CCDC60: variants seen among roughly 807,000 people sequenced by gnomAD.
CCDC60 encodes the protein coiled-coil domain-containing protein 60.
A neutral mutation model predicts 63.5 loss-of-function variants in CCDC60; 54 were observed. That is an observed-to-expected ratio of 0.85 (90% CI 0.68 to 1.07). CCDC60 has a LOEUF of 1.07. CCDC60 is among the 50% of genes least tolerant of loss of function. CCDC60 has a pLI of 0.00. For synonymous variants in CCDC60, 206 were observed against 238.8 expected (o/e 0.86, Z 1.27); for missense variants, 651 against 684.3 (o/e 0.95, Z 0.54).
intron 6 of CCDC60, among the ~76,000 whole-genome samples, chr12:119,503,844 T>C (rs1438773676): frequency 6.6e-6 from 1 of 152,230 alleles, no homozygotes; most frequent in Non-Finnish European, 1.5e-5. Context: ...GTTGGTGTGG[T>C]CTTCAATGCT....
intron 5 of CCDC60, among the ~76,000 whole-genome samples, chr12:119,491,107 G>A (rs1951570962): frequency 6.6e-6 from 1 of 152,008 alleles, no homozygotes. Flanking sequence ...TCTGCATATT[G>A]TTCTCTACAT....
chr12:119,471,067 A>G (rs1439210004), intron 2 of CCDC60, among the ~76,000 whole-genome samples: 1 of 152,230 alleles, frequency 6.6e-6, no homozygotes, highest in Admixed American at 6.5e-5. Context: ...AGAAACATGT[A>G]GACACCTCTG....
At chr12:119,528,338 G>A (rs1952748914) in intron 11 of CCDC60, among the ~76,000 whole-genome samples, 1 of 151,990 alleles carries the variant, frequency 6.6e-6, no homozygotes, top group Non-Finnish European at 1.5e-5. Flanking sequence ...CCATCTTAGA[G>A]ACTGAAAAGC....
chr12:119,346,776 CTT>C (rs1365513361), intron 1 of CCDC60, among the ~76,000 whole-genome samples: 9 of 46,404 alleles, frequency 1.9e-4, no homozygotes, highest in Admixed American at 1.5e-3. Flanking sequence ...TCATCTTTCT[CTT>C]TCTTTCTTTC....
intron 1 of CCDC60, among the ~76,000 whole-genome samples, chr12:119,418,310 AC>A: frequency 6.6e-6 from 1 of 151,092 alleles, no homozygotes; most frequent in South Asian, 2.1e-4. Context: ...CTTCATAGTC[AC>A]AATACAGTTA....
At chr12:119,528,863 T>C (rs1261181164) in intron 12 of CCDC60, 117 bp downstream of exon 12, 5 of 1,067,148 alleles carry the variant, frequency 4.7e-6, no homozygotes, top group Non-Finnish European at 6.6e-6. Flanking sequence ...ACTCCAAAAC[T>C]GTCATTGGCC....
chr12:119,341,379 T>A (rs1459966885), intron 1 of CCDC60, among the ~76,000 whole-genome samples: 1 of 152,180 alleles, frequency 6.6e-6, no homozygotes, highest in Non-Finnish European at 1.5e-5. Context: ...GAAGAAATGA[T>A]CCAAGAGTCT....
intron 1 of CCDC60, among the ~76,000 whole-genome samples, chr12:119,426,811 C>T (rs1480668129): frequency 6.6e-6 from 1 of 152,322 alleles, no homozygotes. Flanking sequence ...GAAGCAGTTC[C>T]TTCCTCCACT....
intron 1 of CCDC60, among the ~76,000 whole-genome samples, chr12:119,378,115 G>A (rs1045520336): frequency 7.2e-5 from 11 of 152,196 alleles, no homozygotes; most frequent in Admixed American, 4.6e-4. Context: ...CAGGTATGAC[G>A]TTTGCATAGT....
At chr12:119,385,012 A>G (rs889020513) in intron 1 of CCDC60, among the ~76,000 whole-genome samples, 10 of 152,188 alleles carry the variant, frequency 6.6e-5, no homozygotes, top group Non-Finnish European at 1.3e-4. Flanking sequence ...TCATTTGGAG[A>G]GAGGGTGGCT....
At chr12:119,449,110 CTATGTG>C (rs1289008755) in intron 2 of CCDC60, among the ~76,000 whole-genome samples, 1 of 152,054 alleles carries the variant, frequency 6.6e-6, no homozygotes, top group African/African-American at 2.4e-5. Flanking sequence ...GCCTGAGGGT[CTATGTG>C]TATGTGTATG....
intron 1 of CCDC60, among the ~76,000 whole-genome samples, chr12:119,403,429 G>A (rs1956429859): frequency 6.6e-6 from 1 of 152,164 alleles, no homozygotes; most frequent in African/African-American, 2.4e-5. Context: ...TCCTGGGCTT[G>A]GAGTCTAGGA....
At chr12:119,343,950 T>C (rs148110416) in intron 1 of CCDC60, among the ~76,000 whole-genome samples, 387 of 152,250 alleles carry the variant, frequency 2.5e-3, no homozygotes, top group African/African-American at 9.0e-3. Flanking sequence ...CATACTCTCC[T>C]TCTCCATACC....
At position 119,520,114 on chromosome 12, in the gene CCDC60, C is replaced by T. The variant is rs375108096; in HGVS notation, c.969-7C>T. 1.4e-5 allele frequency: 22 copies of T among 1,612,800 alleles called. No individual in the cohort carries two copies. In the African/African-American group the frequency reaches 2.4e-4, roughly 18 times the overall value. ...CGCCTTGTTAAAGGACTCATTTTGC[C>T]TTGCAGCATCTTGTCAGTGCTGAAA... On this transcript the variant is annotated splice_polypyrimidine_tract_variant and splice_region_variant and intron_variant, in intron 8 of 13. Transcript: ENST00000327554.
At chr12:119,414,167 C>T (rs1956657755) in intron 1 of CCDC60, among the ~76,000 whole-genome samples, 2 of 152,002 alleles carry the variant, frequency 1.3e-5, no homozygotes, top group Admixed American at 6.5e-5. Flanking sequence ...TACAGGCACG[C>T]ACCACCACAC....
chr12:119,467,354 C>T (rs566373747), intron 2 of CCDC60, among the ~76,000 whole-genome samples: 1 of 152,306 alleles, frequency 6.6e-6, no homozygotes, highest in East Asian at 1.9e-4. Context: ...ATGTTTGTGT[C>T]CCCCCACCAA....
intron 2 of CCDC60, among the ~76,000 whole-genome samples, chr12:119,468,958 C>T (rs2136320942): frequency 1.3e-5 from 2 of 151,596 alleles, no homozygotes; most frequent in South Asian, 4.2e-4. Flanking sequence ...ATATTATTTC[C>T]TAATTTTTAA....
At chr12:119,524,914 C>T (rs1593217238) in intron 11 of CCDC60, among the ~76,000 whole-genome samples, 1 of 151,770 alleles carries the variant, frequency 6.6e-6, no homozygotes, top group African/African-American at 2.4e-5. Context: ...AGTCCTCTCA[C>T]CTTGGCCTCC....
intron 9 of CCDC60, among the ~76,000 whole-genome samples, chr12:119,520,785 AC>A (rs1431933319): frequency 6.6e-6 from 1 of 151,496 alleles, no homozygotes; most frequent in East Asian, 1.9e-4. Flanking sequence ...CAAGTGATCC[AC>A]CTCCCTTGGC....
Sources: gnomAD v4.1 joint callset for allele counts (sites outside exome capture counted in the v4.1 genomes callset) on GRCh38, gnomAD v4.1.1 for gene constraint, MANE v1.5 for transcripts, NCBI Gene and HGNC (gene_info 2026-07-23, HGNC 2026-07-21) for gene names.